KHDRBS2: variants seen among roughly 807,000 people sequenced by gnomAD.
KHDRBS2 encodes the protein KH domain-containing, RNA-binding, signal transduction-associated protein 2.
A neutral mutation model predicts 44.3 loss-of-function variants in KHDRBS2; 26 were observed. That is an observed-to-expected ratio of 0.59 (90% confidence interval 0.43 to 0.81). The LOEUF is 0.81. KHDRBS2 is among the 40% of genes least tolerant of loss of function. The pLI is 0.00. For synonymous variants in KHDRBS2, 194 were observed against 151.1 expected, an observed-to-expected ratio of 1.28 and a Z score of -2.08; for missense variants, 476 against 433.1, an observed-to-expected ratio of 1.10 and a Z score of -0.88.
At chr6:61,804,367 C>G (rs1206863274) in intron 6 of KHDRBS2, among the ~76,000 whole-genome samples, 1 of 152,138 alleles carries the variant, frequency 6.6e-6, no homozygotes, top group Non-Finnish European at 1.5e-5. Context: ...GTACAACCCC[C>G]CTCCCAGCTG....
intron 3 of KHDRBS2, among the ~76,000 whole-genome samples, chr6:61,985,833 G>T (rs1000331440): frequency 6.6e-6 from 1 of 151,996 alleles, no homozygotes; most frequent in African/African-American, 2.4e-5. Flanking sequence ...AAAATACTAC[G>T]ATCCAAATAC....
At chr6:61,711,002 CT>C (rs1770427069) in intron 7 of KHDRBS2, among the ~76,000 whole-genome samples, 1 of 150,238 alleles carries the variant, frequency 6.7e-6, no homozygotes, top group African/African-American at 2.4e-5. Context: ...CGAGATCATA[CT>C]TTTTAAAAAC....
chr6:62,038,358 C>T (rs1164989399), intron 3 of KHDRBS2, among the ~76,000 whole-genome samples: 2 of 151,270 alleles, frequency 1.3e-5, no homozygotes, highest in Non-Finnish European at 2.9e-5. Context: ...CTTTGAGCTC[C>T]GTTTAGTGTC....
intron 1 of KHDRBS2, among the ~76,000 whole-genome samples, chr6:62,270,098 T>G (rs1184324663): frequency 6.6e-6 from 1 of 152,080 alleles, no homozygotes; most frequent in Non-Finnish European, 1.5e-5. Flanking sequence ...ATTTGTCCCC[T>G]CCAAAATCTT....
the KHDRBS2 span, among the ~76,000 whole-genome samples, chr6:61,667,704 C>A: frequency 6.6e-6 from 1 of 151,232 alleles, no homozygotes; most frequent in African/African-American, 2.4e-5. Context: ...GACTATTTGG[C>A]ATTCACTGAA....
At chr6:62,136,584 T>G (rs1249159515) in intron 2 of KHDRBS2, among the ~76,000 whole-genome samples, 2 of 152,224 alleles carry the variant, frequency 1.3e-5, no homozygotes, top group Non-Finnish European at 2.9e-5. Context: ...GTTTCGTTTT[T>G]GAAATTATGT....
intron 3 of KHDRBS2, among the ~76,000 whole-genome samples, chr6:61,991,580 G>A (rs1395748371): frequency 1.3e-5 from 2 of 152,190 alleles, no homozygotes; most frequent in African/African-American, 4.8e-5. Flanking sequence ...AATCACTTCT[G>A]AGCCTTATGA....
chr6:61,986,984 C>A (rs1467632090), intron 3 of KHDRBS2, among the ~76,000 whole-genome samples: 1 of 152,150 alleles, frequency 6.6e-6, no homozygotes, highest in African/African-American at 2.4e-5. Flanking sequence ...TGAATTTGTA[C>A]CTTTCAAATA....
intron 4 of KHDRBS2, among the ~76,000 whole-genome samples, chr6:61,931,389 T>C (rs1028255831): frequency 1.3e-5 from 2 of 151,828 alleles, no homozygotes; most frequent in Admixed American, 1.3e-4. Flanking sequence ...TAAAGAAACC[T>C]GAAATGTTGG....
At chr6:61,569,000 G>T in the KHDRBS2 span, among the ~76,000 whole-genome samples, 3 of 32,452 alleles carry the variant, frequency 9.2e-5, no homozygotes, top group Non-Finnish European at 2.2e-4. Context: ...GGAAGTGTGA[G>T]GTCCAAAAGC....
chr6:62,205,598 G>T (rs1390017255), intron 1 of KHDRBS2, among the ~76,000 whole-genome samples: 1 of 152,052 alleles, frequency 6.6e-6, no homozygotes, highest in African/African-American at 2.4e-5. Context: ...ACCAGCTGAT[G>T]GTCAGGACAC....
At chr6:62,126,167 G>A (rs1026129621) in intron 2 of KHDRBS2, among the ~76,000 whole-genome samples, 1 of 152,184 alleles carries the variant, frequency 6.6e-6, no homozygotes. Flanking sequence ...GCTGACTGAA[G>A]AGGCCGTGGG....
chr6:62,086,751 G>A (rs1237418055), intron 2 of KHDRBS2, among the ~76,000 whole-genome samples: 3 of 152,146 alleles, frequency 2.0e-5, no homozygotes, highest in African/African-American at 7.2e-5. Flanking sequence ...GCCAATTTGA[G>A]ATCAGCAGTT....
intron 4 of KHDRBS2, among the ~76,000 whole-genome samples, chr6:61,936,940 G>A (rs1232815311): frequency 6.6e-6 from 1 of 151,830 alleles, no homozygotes; most frequent in African/African-American, 2.4e-5. Flanking sequence ...TTATCCATCT[G>A]AAGACTTTAA....
chr6:62,214,454 C>T (rs541360158), intron 1 of KHDRBS2, among the ~76,000 whole-genome samples: 8 of 147,306 alleles, frequency 5.4e-5, no homozygotes, highest in African/African-American at 1.7e-4. Context: ...AAATTATACA[C>T]CCATTTAAAA....
chr6:61,807,793 A>T (rs1185286399), intron 6 of KHDRBS2, among the ~76,000 whole-genome samples: 1 of 152,106 alleles, frequency 6.6e-6, no homozygotes, highest in Admixed American at 6.6e-5. Context: ...TCTATGTAAC[A>T]AAGCTGCACA....
chr6:62,144,407 A>C (rs1813495028), intron 2 of KHDRBS2, among the ~76,000 whole-genome samples: 1 of 151,962 alleles, frequency 6.6e-6, no homozygotes, highest in African/African-American at 2.4e-5. Flanking sequence ...GCAGTTTCCC[A>C]CATTTAGTCC....
intron 6 of KHDRBS2, among the ~76,000 whole-genome samples, chr6:61,886,565 A>T (rs1169974772): frequency 6.6e-6 from 1 of 152,108 alleles, no homozygotes. Context: ...CATTATATAT[A>T]TGTTTATATA....
chr6:61,732,109 G>A (rs1774553212), intron 7 of KHDRBS2, among the ~76,000 whole-genome samples: 2 of 151,790 alleles, frequency 1.3e-5, no homozygotes, highest in African/African-American at 2.4e-5. Flanking sequence ...ATTCTAAATG[G>A]GTAAAGTTCA....
Sources: gnomAD v4.1 joint callset for allele counts (sites outside exome capture counted in the v4.1 genomes callset) on GRCh38, gnomAD v4.1.1 for gene constraint, MANE v1.5 for transcripts, NCBI Gene and HGNC (gene_info 2026-07-23, HGNC 2026-07-21) for gene names.